The following MAGI2 variants were observed in gnomAD, a reference collection of about 807,000 sequenced individuals.
The protein encoded by MAGI2 is membrane associated guanylate kinase, WW and PDZ domain containing 2, also known as membrane-associated guanylate kinase, WW and PDZ domain-containing protein 2.
Under a neutral mutation model 133.3 loss-of-function variants are expected in MAGI2, and 35 were observed. The observed-to-expected ratio is 0.26, with a 90% CI of 0.20 to 0.35. The LOEUF (loss-of-function observed/expected upper bound fraction) is 0.35, where lower values mean the gene tolerates loss of function less well. Among genes scored for constraint, MAGI2 ranks in the 10% least tolerant of loss-of-function variants. MAGI2 has a pLI of 1.00. For synonymous variants in MAGI2, 729 were observed against 710.6 expected (o/e 1.03, Z -0.41); for missense variants, 1,636 against 1,863.4 (o/e 0.88, Z 2.25).
At chr7:78,491,066 T>G (rs1253466995) in intron 5 of MAGI2, among the ~76,000 whole-genome samples, 1 of 152,150 alleles carries the variant, frequency 6.6e-6, no homozygotes, top group Non-Finnish European at 1.5e-5. Context: ...ATTCTCTTTC[T>G]TTAATGAAAT....
At chr7:78,306,263 C>T (rs370711945) in intron 9 of MAGI2, among the ~76,000 whole-genome samples, 50 of 152,278 alleles carry the variant, frequency 3.3e-4, no homozygotes, top group African/African-American at 1.2e-3. Flanking sequence ...AACCCCTTGT[C>T]TCCCTCTAGT....
At chr7:78,676,863 T>G (rs539997936) in intron 2 of MAGI2, among the ~76,000 whole-genome samples, 23 of 152,222 alleles carry the variant, frequency 1.5e-4, no homozygotes, top group African/African-American at 5.5e-4. Flanking sequence ...AGCTGCTTTC[T>G]TGCCAAATAC....
chr7:78,592,414 A>G (rs753815976), intron 3 of MAGI2, among the ~76,000 whole-genome samples: 2 of 151,692 alleles, frequency 1.3e-5, no homozygotes, highest in Admixed American at 6.6e-5. Flanking sequence ...ATCTGTCCCA[A>G]CTGCTCTGCT....
At chr7:78,514,943 A>C (rs1363597478) in intron 4 of MAGI2, among the ~76,000 whole-genome samples, 2 of 152,064 alleles carry the variant, frequency 1.3e-5, no homozygotes, top group African/African-American at 4.8e-5. Context: ...GTGTACACAT[A>C]CTGTATTCTC....
intron 1 of MAGI2, among the ~76,000 whole-genome samples, chr7:79,042,116 A>C (rs2116914445): frequency 6.6e-6 from 1 of 152,338 alleles, no homozygotes; most frequent in African/African-American, 2.4e-5. Context: ...ACTTGCATTC[A>C]CAATTATAAT....
intron 2 of MAGI2, among the ~76,000 whole-genome samples, chr7:78,677,836 A>G (rs539035324): frequency 1.3e-5 from 2 of 152,146 alleles, no homozygotes; most frequent in South Asian, 2.1e-4. Context: ...ACCCCTTACA[A>G]TCAAGCAGAA....
intron 1 of MAGI2, among the ~76,000 whole-genome samples, chr7:79,131,812 T>A (rs1197296260): frequency 6.6e-6 from 1 of 152,192 alleles, no homozygotes; most frequent in African/African-American, 2.4e-5. Flanking sequence ...CTAGTTAAAA[T>A]CATTTATTTC....
At chr7:79,342,164 G>C (rs1840950488) in intron 1 of MAGI2, among the ~76,000 whole-genome samples, 1 of 152,192 alleles carries the variant, frequency 6.6e-6, no homozygotes, top group Admixed American at 6.5e-5. Flanking sequence ...ACATTTAAGA[G>C]TGTTGTAAGG....
chr7:79,163,730 G>A (rs1045406529), intron 1 of MAGI2, among the ~76,000 whole-genome samples: 1 of 151,896 alleles, frequency 6.6e-6, no homozygotes, highest in Non-Finnish European at 1.5e-5. Flanking sequence ...TGGCTGCTTG[G>A]GTTGTTTACT....
Position 78,309,156 on chromosome 7 carries a change from C to T in MAGI2, c.1408+34622G>A, listed in dbSNP as rs561114935. Among the ~76,000 whole-genome samples, 3 of 152,294 alleles carry T rather than the reference C, an allele frequency of 2.0e-5. No homozygotes were observed. In the South Asian group the frequency reaches 6.2e-4, roughly 32 times the overall value. Reference sequence around the variant, plus strand: ...ATGTCTCAAATAACTTAAAACAGAGCTACTATTTGACCCCGCAATCCCATT... The same window carrying T: ...ATGTCTCAAATAACTTAAAACAGAGTTACTATTTGACCCCGCAATCCCATT... On this transcript the variant is annotated intron_variant, in intron 9 of 21. Transcript: ENST00000354212.
At chr7:78,668,643 A>C (rs1251115383) in intron 2 of MAGI2, among the ~76,000 whole-genome samples, 2 of 152,064 alleles carry the variant, frequency 1.3e-5, no homozygotes, top group Non-Finnish European at 2.9e-5. Flanking sequence ...CCATTTATTA[A>C]ATAGAGAATC....
At chr7:78,542,470 G>C (rs1798492998) in intron 3 of MAGI2, among the ~76,000 whole-genome samples, 1 of 152,150 alleles carries the variant, frequency 6.6e-6, no homozygotes, top group South Asian at 2.1e-4. Flanking sequence ...AAGTGAGAAA[G>C]AGAACATAAT....
intron 1 of MAGI2, among the ~76,000 whole-genome samples, chr7:79,296,413 A>G (rs1348773387): frequency 6.6e-6 from 1 of 152,334 alleles, no homozygotes; most frequent in East Asian, 1.9e-4. Context: ...TATTCATAAT[A>G]GCCAAGGACA....
chr7:79,181,714 G>T (rs913489129), intron 1 of MAGI2, among the ~76,000 whole-genome samples: 3 of 151,918 alleles, frequency 2.0e-5, no homozygotes, highest in African/African-American at 7.3e-5. Context: ...CTTTTCTGTT[G>T]CATTGTCAGG....
rs566764321 is a variant in MAGI2 at position 78,267,569 on chromosome 7, C to T, written c.1409-10988G>A. 5.3e-5 allele frequency among the ~76,000 whole-genome samples: 8 copies of T among 152,254 alleles called. No homozygotes were observed. The South Asian group carries it at 1.4e-3, about 28-fold the overall frequency. ...ACCAAGGATTGCCAATTAAAACTCC[C>T]TCAAACACATGGCAAAAAGGAAGAA... On this transcript the variant is annotated intron_variant, in intron 9 of 21. Coordinates refer to ENST00000354212, the MANE Select transcript of MAGI2 (RefSeq NM_012301.4).
chr7:78,580,410 T>C (rs1041547038), intron 3 of MAGI2, among the ~76,000 whole-genome samples: 1 of 152,192 alleles, frequency 6.6e-6, no homozygotes, highest in African/African-American at 2.4e-5. Context: ...ACATGTACAA[T>C]CCATGTAGAA....
chr7:78,689,682 C>CTTTTTTTTTTTTTTT lies in MAGI2; in HGVS notation c.419-62458_419-62444dup, dbSNP rs200333526. Among the ~76,000 whole-genome samples the CTTTTTTTTTTTTTTT allele has an allele frequency of 7.9e-4, 73 of 92,018 alleles. 1 individual carries two copies. Among genetic ancestry groups the CTTTTTTTTTTTTTTT allele is most frequent in the Non-Finnish European group, 1.1e-3 (53 of 50,114 alleles). 60.4% of individuals were successfully genotyped at this position (92,018 alleles called of 152,430 possible). A position where few individuals can be genotyped will look rare whatever the true frequency, so the allele number is the denominator to read the frequency against. On this transcript the variant is annotated intron_variant, in intron 2 of 21. Coordinates refer to ENST00000354212, the MANE Select transcript of MAGI2 (RefSeq NM_012301.4). ...ACAATGTGTATCTTTTTGGATCTGGCTTTTTTTTTTTTTTTTTTTTTTGCT... is the reference window on the plus strand; with the variant it reads ...ACAATGTGTATCTTTTTGGATCTGGCTTTTTTTTTTTTTTTTTTTTTTTTTTTTTTTTTTTTTGCT...
At chr7:78,183,379 C>T (rs1432110745) in intron 13 of MAGI2, among the ~76,000 whole-genome samples, 3 of 150,926 alleles carry the variant, frequency 2.0e-5, no homozygotes, top group Non-Finnish European at 2.9e-5. Context: ...GATTCTCCTG[C>T]CTCAGCTTCC....
intron 1 of MAGI2, among the ~76,000 whole-genome samples, chr7:79,293,559 TTGTC>T (rs1836670510): frequency 6.6e-6 from 1 of 151,800 alleles, no homozygotes; most frequent in Non-Finnish European, 1.5e-5. Flanking sequence ...TAGATAATAT[TTGTC>T]TGGCACCTAT....
Sources: gnomAD v4.1 joint callset for allele counts (sites outside exome capture counted in the v4.1 genomes callset) on GRCh38, gnomAD v4.1.1 for gene constraint, MANE v1.5 for transcripts, NCBI Gene and HGNC (gene_info 2026-07-23, HGNC 2026-07-21) for gene names.